MNS1: variants seen among roughly 807,000 people sequenced by gnomAD.
MNS1 encodes the protein meiosis specific nuclear structural 1.
A neutral mutation model predicts 72.0 loss-of-function variants in MNS1; 63 were observed. That is an observed-to-expected ratio of 0.87 (90% CI 0.71 to 1.08). The LOEUF is 1.08. Among genes scored for constraint, MNS1 ranks in the 50% least tolerant of loss-of-function variants. The pLI is 0.00. For missense variants in MNS1, 604 were observed against 562.4 expected (o/e 1.07, Z -0.75); for synonymous variants, 188 against 172.1 (o/e 1.09, Z -0.72).
intron 4 of MNS1, among the ~76,000 whole-genome samples, chr15:56,444,938 A>C (rs1455117392): frequency 1.3e-5 from 2 of 152,080 alleles, no homozygotes; most frequent in East Asian, 1.9e-4. Flanking sequence ...ACATTCAAAA[A>C]ACAATGAATA....
intron 7 of MNS1, 87 bp from the exon 8 acceptor site, chr15:56,434,482 A>G (rs1428715154): frequency 7.4e-7 from 1 of 1,351,212 alleles, no homozygotes; most frequent in Non-Finnish European, 1.0e-6. Flanking sequence ...GGTTAAATTT[A>G]GTATTACAAT....
intron 4 of MNS1, among the ~76,000 whole-genome samples, chr15:56,446,186 T>A (rs780076856): frequency 2.0e-5 from 3 of 152,042 alleles, no homozygotes; most frequent in Non-Finnish European, 4.4e-5. Flanking sequence ...ACACAATAGA[T>A]ATGTATGTGT....
intron 3 of MNS1, among the ~76,000 whole-genome samples, chr15:56,449,999 T>A (rs1290312063): frequency 6.6e-6 from 1 of 152,200 alleles, no homozygotes; most frequent in Non-Finnish European, 1.5e-5. Context: ...GGCACAGTTC[T>A]TGGCTTTATT....
At chr15:56,433,287 C>T (rs1453926361) in intron 8 of MNS1, among the ~76,000 whole-genome samples, 2 of 151,916 alleles carry the variant, frequency 1.3e-5, no homozygotes, top group South Asian at 2.1e-4. Flanking sequence ...GAAGGGAGAG[C>T]ATTAGGACAA....
chr15:56,441,976 C>T (rs573577279), intron 7 of MNS1, among the ~76,000 whole-genome samples: 44 of 152,024 alleles, frequency 2.9e-4, no homozygotes, highest in African/African-American at 8.9e-4. Flanking sequence ...GCCGAGATCA[C>T]GCCACTGCAC....
chr15:56,448,751 C>CT (rs34366643), intron 3 of MNS1, among the ~76,000 whole-genome samples: 1,336 of 117,666 alleles, frequency 0.011, 16 homozygotes, highest in African/African-American at 0.023. Flanking sequence ...TTTTTAGATT[C>CT]TTTTTTTTTT....
rs745665325 is a variant in MNS1, at chr15:56,464,061, G to T, written c.190C>A (p.Gln64Lys). ...GCCTCTTCCATATCCAACTCAAATT[G>T]TTCATTTTGTAATAATCTGAGAAAT... ...KQFLRLLQNE[Q>K]FELDMEEAIQ... The change falls in exon 2 of 10, where the codon CAA becomes AAA. Residue 64 changes from glutamine to lysine, a missense_variant. Gln to Lys is a moderately conservative substitution (Grantham distance 53). Coordinates refer to ENST00000260453, the MANE Select transcript of MNS1 (RefSeq NM_018365.4). 3 of 1,613,320 alleles carry T rather than the reference G, an allele frequency of 1.9e-6. No homozygotes were observed. Among genetic ancestry groups the T allele is most frequent in the Non-Finnish European group, 2.5e-6 (3 of 1,179,790 alleles).
In MNS1 at chr15:56,460,009, A is replaced by AAAAAAAAAAATATAT; in HGVS notation, c.226-3489_226-3488insATATATTTTTTTTTT. Among the ~76,000 whole-genome samples, 27 of 26,382 alleles carry AAAAAAAAAAATATAT rather than the reference A, an allele frequency of 1.0e-3. 4 individuals are homozygous for AAAAAAAAAAATATAT. Among genetic ancestry groups the AAAAAAAAAAATATAT allele is most frequent in the African/African-American group, 2.0e-3 (13 of 6,654 alleles). The allele number at this position is 26,382 out of a possible 152,430, so 17.3% of individuals were successfully genotyped here. A position where few individuals can be genotyped will look rare whatever the true frequency, so the allele number is the denominator to read the frequency against. On this transcript the variant is annotated intron_variant, in intron 2 of 9. Transcript: ENST00000260453. Reference sequence around the variant, plus strand: ...CTGTCTCAAAAAAAAAAAAAAAAAAAATACATATATATATATATATATATA... The same window carrying AAAAAAAAAAATATAT: ...CTGTCTCAAAAAAAAAAAAAAAAAAAAAAAAAAAAATATATATACATATATATATATATATATATA...
At chr15:56,464,328 T>G (rs995857280) in intron 1 of MNS1, 81 bp from the exon 2 acceptor site, 12 of 1,004,724 alleles carry the variant, frequency 1.2e-5, no homozygotes, top group Non-Finnish European at 1.8e-5. Context: ...TAAACCTTAG[T>G]AAGAAAGGAT....
chr15:56,446,707 A>T (rs746914425), intron 4 of MNS1, 134 bp downstream of exon 4: 25 of 631,960 alleles, frequency 4.0e-5, no homozygotes, highest in Non-Finnish European at 6.1e-5. Flanking sequence ...CATCTTAAGG[A>T]TCTGAAAATT....
intron 2 of MNS1, among the ~76,000 whole-genome samples, chr15:56,461,464 C>T (rs1212121181): frequency 6.6e-6 from 1 of 151,984 alleles, no homozygotes; most frequent in Admixed American, 6.6e-5. Context: ...AGTTCAAGAC[C>T]AGCCTGGCCA....
intron 7 of MNS1, among the ~76,000 whole-genome samples, 181 bp downstream of exon 7, chr15:56,443,249 T>C (rs1410376488): frequency 6.6e-6 from 1 of 152,200 alleles, no homozygotes; most frequent in Admixed American, 6.5e-5. Flanking sequence ...AGTTTATAAA[T>C]TGATGCCTGA....
chr15:56,437,135 C>T (rs957239077), intron 7 of MNS1, among the ~76,000 whole-genome samples: 10 of 150,880 alleles, frequency 6.6e-5, no homozygotes, highest in African/African-American at 2.4e-4. Flanking sequence ...CTTTGGTCGT[C>T]TGTCATCCTG....
At chr15:56,457,455 A>G (rs896165222) in intron 2 of MNS1, among the ~76,000 whole-genome samples, 6 of 152,222 alleles carry the variant, frequency 3.9e-5, no homozygotes, top group African/African-American at 1.4e-4. Context: ...GCAAGAAACT[A>G]TCACTCATAT....
At chr15:56,449,547 G>A (rs1009606810) in intron 3 of MNS1, among the ~76,000 whole-genome samples, 13 of 152,132 alleles carry the variant, frequency 8.5e-5, no homozygotes, top group Non-Finnish European at 1.5e-4. Flanking sequence ...AGAGAGATTA[G>A]TCTACAGGTT....
At position 56,429,088 on chromosome 15, in the gene MNS1, A is replaced by T. The variant is rs375554360; in HGVS notation, c.*13T>A. On this transcript the variant is annotated 3_prime_UTR_variant, in exon 10 of 10. Transcript: ENST00000260453. ...CATGCAAAAAATCTATGCTTTACCC[A>T]ATTTTGATGATATCATTTCTCTTCA... 2.5e-4 allele frequency: 390 copies of T among 1,544,616 alleles called. No individual in the cohort carries two copies. Among genetic ancestry groups the T allele is most frequent in the Non-Finnish European group, 2.9e-4 (331 of 1,133,912 alleles).
At chr15:56,431,197 T>G (rs1447362217) in intron 9 of MNS1, among the ~76,000 whole-genome samples, 176 bp downstream of exon 9, 2 of 152,172 alleles carry the variant, frequency 1.3e-5, no homozygotes, top group African/African-American at 2.4e-5. Flanking sequence ...AGACCAATCA[T>G]TTTAGATATA....
intron 3 of MNS1, among the ~76,000 whole-genome samples, chr15:56,452,536 T>G (rs565297548): frequency 1.4e-5 from 2 of 138,420 alleles, no homozygotes; most frequent in South Asian, 2.3e-4. Context: ...TTTTTTTTTT[T>G]GAGACAGAGT....
intron 7 of MNS1, among the ~76,000 whole-genome samples, chr15:56,442,222 A>G (rs1420127773): frequency 1.3e-5 from 2 of 152,100 alleles, no homozygotes; most frequent in Non-Finnish European, 2.9e-5. Flanking sequence ...TTAAAGTCAC[A>G]AAAGAATGGA....
Sources: gnomAD v4.1 joint callset for allele counts (sites outside exome capture counted in the v4.1 genomes callset) on GRCh38, gnomAD v4.1.1 for gene constraint, MANE v1.5 for transcripts, NCBI Gene and HGNC (gene_info 2026-07-23, HGNC 2026-07-21) for gene names.